XKR5: variants seen among roughly 807,000 people sequenced by gnomAD.
XKR5 encodes XK related 5.
A neutral mutation model predicts 40.8 loss-of-function variants in XKR5; 46 were observed. That is an observed-to-expected ratio of 1.13 (90% CI 0.89 to 1.44). XKR5 has a LOEUF of 1.44. XKR5 is among the 40% of genes most tolerant of loss of function. The pLI, the probability that XKR5 is intolerant of heterozygous loss-of-function variation, is 0.00. For missense variants in XKR5, 1,169 were observed against 844.7 expected (o/e 1.38, Z -4.76); for synonymous variants, 466 against 356.1 (o/e 1.31, Z -3.48).
chr8:6,833,349 C>A (rs1486009655), intron 1 of XKR5, among the ~76,000 whole-genome samples: 1 of 152,258 alleles, frequency 6.6e-6, no homozygotes, highest in Non-Finnish European at 1.5e-5. Flanking sequence ...GGTGACATTC[C>A]CCTGTGGCCC....
intron 2 of XKR5, among the ~76,000 whole-genome samples, chr8:6,831,090 C>G (rs2117119245): frequency 6.6e-6 from 1 of 152,326 alleles, no homozygotes; most frequent in South Asian, 2.1e-4. Flanking sequence ...AGCTGACTCA[C>G]TCAACAGGCC....
At chr8:6,816,206 A>C (rs1803952292) in intron 5 of XKR5, among the ~76,000 whole-genome samples, 1 of 152,078 alleles carries the variant, frequency 6.6e-6, no homozygotes. Flanking sequence ...GCCTTTAGAG[A>C]GTCATTATGG....
rs1171721660 is a variant in XKR5 at position 6,811,904 on chromosome 8, T to G, written c.1355A>C (p.Gln452Pro). 16 of 1,537,322 alleles carry G rather than the reference T, an allele frequency of 1.0e-5. No individual in the cohort carries two copies. The highest frequency in any genetic ancestry group is 4.1e-5 in the African/African-American group (3 of 73,064). Residue 452 changes from glutamine (Q) to proline (P), a missense_variant, in exon 7 of 7, where the codon CAG becomes CCG. Transcript: ENST00000618742. ...ACGGGATGAGGATGGGAGCTCTTGCTGGGCAGACAAGGCCTTTCTCTGCAG... is the reference window on the plus strand; with the variant it reads ...ACGGGATGAGGATGGGAGCTCTTGCGGGGCAGACAAGGCCTTTCTCTGCAG... ...DYLQRKALSA[Q>P]QELPSSSRDP...
Position 6,811,392 on chromosome 8 carries a change from T to A in XKR5, c.1867A>T (p.Ile623Phe). Residue 623 changes from isoleucine (I) to phenylalanine (F), a missense_variant, in exon 7 of 7, where the codon ATC (isoleucine) becomes TTC (phenylalanine). Coordinates refer to ENST00000618742, the MANE Select transcript of XKR5 (RefSeq NM_207411.5). ...SAGFPGRTLS[I>F]SELEEPLEPK... ...TCCAGCGGCTCCTCTAGCTCTGAGA[T>A]ACTGAGGGTTCTTCCAGGGAAGCCT... 6.5e-7 allele frequency: 1 copy of A among 1,537,312 alleles called. No individual in the cohort carries two copies. Among genetic ancestry groups the A allele is most frequent in the Non-Finnish European group, 8.7e-7 (1 of 1,146,930 alleles).
rs1180272452 is a variant in XKR5 at position 6,811,704 on chromosome 8, C to T, written c.1555G>A (p.Val519Ile). The change falls in exon 7 of 7, where the codon GTT becomes ATT. Residue 519 changes from valine (V) to isoleucine (I), a missense_variant. Val to Ile is a conservative substitution (Grantham distance 29). Coordinates refer to ENST00000618742, the MANE Select transcript of XKR5 (RefSeq NM_207411.5). Reference protein sequence around the residue: ...EGTPKEGADAVSGTQGKGTGG... With the variant: ...EGTPKEGADAISGTQGKGTGG... The stretch of plus-strand genomic sequence containing the variant: ...GTCCCCTTCCCCTGTGTCCCAGAAA[C>T]AGCGTCAGCTCCTTCCTTTGGGGTG... 2 of 1,537,734 alleles carry T rather than the reference C, an allele frequency of 1.3e-6. No homozygotes were observed. The highest frequency in any genetic ancestry group is 1.4e-5 in the African/African-American group (1 of 73,176).
chr8:6,834,259 A>T (rs896367753), intron 1 of XKR5, among the ~76,000 whole-genome samples: 8 of 152,222 alleles, frequency 5.3e-5, no homozygotes, highest in Admixed American at 6.5e-5. Context: ...GAATGAACAC[A>T]AGCCGCGGAT....
chr8:6,834,922 G>T (rs531794515), intron 1 of XKR5, among the ~76,000 whole-genome samples: 135 of 152,326 alleles, frequency 8.9e-4, no homozygotes, highest in African/African-American at 3.1e-3. Context: ...GGGCCGCGTG[G>T]ATGCGGAGCC....
At position 6,821,790 on chromosome 8, in the gene XKR5, A is replaced by T. The variant is rs1804237191; in HGVS notation, c.807+79T>A. 5.3e-6 allele frequency: 7 copies of T among 1,318,778 alleles called. No individual in the cohort carries two copies. In the South Asian group the frequency reaches 1.0e-4, roughly 19 times the overall value. 81.7% of individuals were successfully genotyped at this position (1,318,778 alleles called of 1,614,324 possible). On this transcript the variant is annotated intron_variant, in intron 5 of 6. Coordinates refer to ENST00000618742, the MANE Select transcript of XKR5 (RefSeq NM_207411.5). ...GGTGTGCATTGGTGCACACACACAC[A>T]CACCCCCCACACACACCCACACACA...
intron 2 of XKR5, among the ~76,000 whole-genome samples, chr8:6,826,237 A>G (rs146591627): frequency 6.6e-6 from 1 of 152,178 alleles, no homozygotes; most frequent in African/African-American, 2.4e-5. Flanking sequence ...TTGCATATAT[A>G]TAGTGTGTAT....
chr8:6,832,279 T>C (rs1012869858), intron 2 of XKR5, among the ~76,000 whole-genome samples: 2 of 152,224 alleles, frequency 1.3e-5, no homozygotes, highest in Non-Finnish European at 2.9e-5. Context: ...GACTTTTTCC[T>C]GAGACGAAGT....
At chr8:6,819,286 G>A (rs556731707) in intron 5 of XKR5, among the ~76,000 whole-genome samples, 29 of 152,300 alleles carry the variant, frequency 1.9e-4, no homozygotes, top group Non-Finnish European at 3.7e-4. Flanking sequence ...CTGGGGCTGC[G>A]TGGGTCCCGG....
chr8:6,824,768 C>A (rs1042452635), intron 3 of XKR5, among the ~76,000 whole-genome samples: 9 of 152,112 alleles, frequency 5.9e-5, no homozygotes, highest in Admixed American at 5.9e-4. Context: ...AGCAATCCAC[C>A]CACCTCAGCT....
At chr8:6,824,481 G>A (rs146833249) in intron 3 of XKR5, among the ~76,000 whole-genome samples, 74 of 152,290 alleles carry the variant, frequency 4.9e-4, no homozygotes, top group African/African-American at 1.5e-3. Context: ...GTTGTTCTCA[G>A]TTTCCACATG....
At position 6,811,868 on chromosome 8, in the gene XKR5, G is replaced by T; in HGVS notation, c.1391C>A (p.Thr464Asn). The change falls in exon 7 of 7, where the codon ACC becomes AAC. Residue 464 changes from threonine (T) to asparagine (N), a missense_variant. By Grantham distance (65) the Thr-to-Asn change is moderately conservative. Transcript: ENST00000618742. Reference protein sequence around the residue: ...ELPSSSRDPSTLENSSAFEGV... With the variant: ...ELPSSSRDPSNLENSSAFEGV... ...TTCAAACGCAGAGCTGTTCTCTAAG[G>T]TTGAGGGGTCACGGGATGAGGATGG... 1 of 1,537,586 alleles carries T rather than the reference G, an allele frequency of 6.5e-7. No individual in the cohort carries two copies.
intron 6 of XKR5, among the ~76,000 whole-genome samples, chr8:6,813,970 T>C (rs1013178120): frequency 6.6e-6 from 1 of 152,160 alleles, no homozygotes; most frequent in Non-Finnish European, 1.5e-5. Context: ...AGGACTCAGC[T>C]ATACCTCCCG....
chr8:6,816,581 G>C (rs1803966121), intron 5 of XKR5, among the ~76,000 whole-genome samples: 1 of 151,356 alleles, frequency 6.6e-6, no homozygotes, highest in African/African-American at 2.4e-5. Context: ...ATTAAAATAA[G>C]TAAACAAATG....
chr8:6,826,487 A>G (rs1452922965), intron 2 of XKR5, among the ~76,000 whole-genome samples: 2 of 152,070 alleles, frequency 1.3e-5, no homozygotes, highest in African/African-American at 4.8e-5. Context: ...GGAGTTGGAG[A>G]TCAGGATTTG....
At chr8:6,829,994 C>T (rs191746299) in intron 2 of XKR5, among the ~76,000 whole-genome samples, 3,609 of 152,006 alleles carry the variant, frequency 0.024, 132 homozygotes, top group African/African-American at 0.079. Flanking sequence ...CCCGCCACCA[C>T]GCCCGGCTAA....
At chr8:6,832,626 A>T in intron 2 of XKR5, 91 bp downstream of exon 2, 1 of 1,519,726 alleles carries the variant, frequency 6.6e-7, no homozygotes, top group Non-Finnish European at 9.0e-7. Context: ...AACTTTTATG[A>T]GCTTGAGGAC....
Sources: gnomAD v4.1 joint callset for allele counts (sites outside exome capture counted in the v4.1 genomes callset) on GRCh38, gnomAD v4.1.1 for gene constraint, MANE v1.5 for transcripts, NCBI Gene and HGNC (gene_info 2026-07-23, HGNC 2026-07-21) for gene names.